Variants in ZNF385D observed in about 807,000 individuals in gnomAD.
ZNF385D encodes the protein zinc finger protein 385D.
In ZNF385D, 15 loss-of-function variants were observed where a neutral mutation model predicts 35.8. That is an observed-to-expected ratio of 0.42 (90% confidence interval 0.28 to 0.64). The LOEUF (loss-of-function observed/expected upper bound fraction) is 0.64, where lower values mean the gene tolerates loss of function less well. Ranked by LOEUF, ZNF385D falls within the 30% of genes least tolerant of loss-of-function variation. The pLI, the probability that ZNF385D is intolerant of heterozygous loss-of-function variation, is 0.23. For missense variants in ZNF385D, 474 were observed against 494.6 expected (o/e 0.96, Z 0.39); for synonymous variants, 212 against 186.8 (o/e 1.13, Z -1.10).
At chr3:21,836,730 C>A (rs1255959729) in intron 3 of ZNF385D, among the ~76,000 whole-genome samples, 1 of 152,106 alleles carries the variant, frequency 6.6e-6, no homozygotes, top group East Asian at 1.9e-4. Flanking sequence ...ATTTTATATA[C>A]ATTTTACATA....
At chr3:22,286,160 A>G (rs1180367894) in intron 2 of ZNF385D, among the ~76,000 whole-genome samples, 2 of 152,100 alleles carry the variant, frequency 1.3e-5, no homozygotes, top group Non-Finnish European at 2.9e-5. Context: ...TTTTTTATCA[A>G]TCACATATAA....
intron 3 of ZNF385D, among the ~76,000 whole-genome samples, chr3:21,896,310 G>A (rs888447013): frequency 1.3e-5 from 2 of 152,034 alleles, no homozygotes; most frequent in African/African-American, 4.8e-5. Context: ...TGTCACTCGT[G>A]GCTGCCTCAA....
intron 2 of ZNF385D, among the ~76,000 whole-genome samples, chr3:22,314,185 T>C (rs1453838855): frequency 6.6e-6 from 1 of 152,148 alleles, no homozygotes; most frequent in East Asian, 1.9e-4. Flanking sequence ...GTAAGTTCTT[T>C]GATGGTGATT....
At chr3:21,999,047 T>A (rs1367300546) in intron 3 of ZNF385D, among the ~76,000 whole-genome samples, 1 of 152,220 alleles carries the variant, frequency 6.6e-6, no homozygotes, top group Non-Finnish European at 1.5e-5. Flanking sequence ...TTACTACACC[T>A]CCTAAGTCCT....
In ZNF385D at chr3:21,936,098, C is replaced by T. The variant is rs558826546; in HGVS notation, c.325+232719G>A. 5.9e-5 allele frequency among the ~76,000 whole-genome samples: 9 copies of T among 152,028 alleles called. No individual in the cohort carries two copies. In the East Asian group the frequency reaches 1.7e-3, roughly 29 times the overall value. ...GGCCAGAGACCAGTTACACAGCTAA[C>T]TGGGATGAGGAGGTGAGAGAGGGAG... On this transcript the variant is annotated intron_variant, in intron 3 of 5. Coordinates refer to the ZNF385D transcript ENST00000494108.
chr3:22,357,957 T>C (rs1467109891), intron 2 of ZNF385D, among the ~76,000 whole-genome samples: 1 of 151,896 alleles, frequency 6.6e-6, no homozygotes, highest in Non-Finnish European at 1.5e-5. Flanking sequence ...GCATTCGATA[T>C]GCTATATTTT....
intron 3 of ZNF385D, among the ~76,000 whole-genome samples, chr3:22,167,489 G>A (rs561595002): frequency 6.6e-6 from 1 of 152,238 alleles, no homozygotes; most frequent in East Asian, 1.9e-4. Flanking sequence ...CTCTTCGTTT[G>A]TCAGCATATC....
chr3:22,309,773 T>C (rs1470378911), intron 2 of ZNF385D, among the ~76,000 whole-genome samples: 1 of 152,016 alleles, frequency 6.6e-6, no homozygotes, highest in Non-Finnish European at 1.5e-5. Flanking sequence ...TCCTTGTAAA[T>C]GGCCAATCTA....
intron 5 of ZNF385D, among the ~76,000 whole-genome samples, chr3:21,428,557 TC>T (rs1420660782): frequency 6.6e-6 from 1 of 152,070 alleles, no homozygotes; most frequent in Non-Finnish European, 1.5e-5. Context: ...TCTCCTTCCA[TC>T]CCCGCACCCC....
chr3:21,986,780 C>T (rs1694828299), intron 3 of ZNF385D, among the ~76,000 whole-genome samples: 2 of 107,676 alleles, frequency 1.9e-5, no homozygotes, highest in Non-Finnish European at 3.5e-5. Context: ...TTAAAGTCTC[C>T]CATTATTAAT....
intron 2 of ZNF385D, among the ~76,000 whole-genome samples, chr3:22,306,691 G>T (rs1020724755): frequency 4.6e-5 from 7 of 152,098 alleles, no homozygotes; most frequent in Non-Finnish European, 1.0e-4. Flanking sequence ...AATGTAAGGT[G>T]AATTAGCATG....
chr3:21,727,279 CA>C (rs2068805938), intron 1 of ZNF385D, among the ~76,000 whole-genome samples: 1 of 151,900 alleles, frequency 6.6e-6, no homozygotes, highest in Non-Finnish European at 1.5e-5. Flanking sequence ...AATTTATGTC[CA>C]AAACACCAAA....
At chr3:21,839,779 A>G (rs576804323) in intron 3 of ZNF385D, among the ~76,000 whole-genome samples, 1 of 152,158 alleles carries the variant, frequency 6.6e-6, no homozygotes, top group Admixed American at 6.6e-5. Context: ...GTCACATACC[A>G]GCAATCAAAT....
intron 2 of ZNF385D, among the ~76,000 whole-genome samples, chr3:22,337,278 T>A (rs979927737): frequency 3.3e-5 from 5 of 152,080 alleles, no homozygotes; most frequent in African/African-American, 1.2e-4. Context: ...ACGTCTGTAA[T>A]CCCCAGATTT....
At chr3:21,498,036 C>T (rs1706049943) in intron 4 of ZNF385D, among the ~76,000 whole-genome samples, 1 of 151,922 alleles carries the variant, frequency 6.6e-6, no homozygotes, top group African/African-American at 2.4e-5. Flanking sequence ...ACCAATGAAA[C>T]AGAATAGAAA....
intron 3 of ZNF385D, among the ~76,000 whole-genome samples, chr3:21,926,218 G>T (rs1252317900): frequency 6.6e-6 from 1 of 151,936 alleles, no homozygotes; most frequent in African/African-American, 2.4e-5. Flanking sequence ...ATGTGCCACA[G>T]TGGTTTGCTG....
At chr3:22,273,968 C>T (rs1156249391) in intron 2 of ZNF385D, among the ~76,000 whole-genome samples, 1 of 151,946 alleles carries the variant, frequency 6.6e-6, no homozygotes, top group African/African-American at 2.4e-5. Context: ...TTAAATGCTG[C>T]CATTAGCAAA....
At chr3:22,201,067 G>A in intron 2 of ZNF385D, among the ~76,000 whole-genome samples, 1 of 152,068 alleles carries the variant, frequency 6.6e-6, no homozygotes, top group East Asian at 1.9e-4. Flanking sequence ...AGAGACTAAA[G>A]TAAAGACAGG....
At chr3:21,797,910 A>G (rs1046248028) in intron 3 of ZNF385D, among the ~76,000 whole-genome samples, 1 of 152,198 alleles carries the variant, frequency 6.6e-6, no homozygotes, top group Non-Finnish European at 1.5e-5. Context: ...TACCCCATAT[A>G]ATGCCATAAC....
Sources: gnomAD v4.1 joint callset for allele counts (sites outside exome capture counted in the v4.1 genomes callset) on GRCh38, gnomAD v4.1.1 for gene constraint, MANE v1.5 for transcripts, NCBI Gene and HGNC (gene_info 2026-07-23, HGNC 2026-07-21) for gene names.